ZC3H18: variants seen among roughly 807,000 people sequenced by gnomAD.
ZC3H18 encodes the protein zinc finger CCCH-type containing 18.
In ZC3H18, 8 loss-of-function variants were observed where a neutral mutation model predicts 106.1. That is an observed-to-expected ratio of 0.08 (90% confidence interval 0.04 to 0.14). The LOEUF (loss-of-function observed/expected upper bound fraction) is 0.14, where lower values mean the gene tolerates loss of function less well. ZC3H18 is among the 10% of genes least tolerant of loss of function. The pLI, the probability that ZC3H18 is intolerant of heterozygous loss-of-function variation, is 1.00. For synonymous variants in ZC3H18, 635 were observed against 522.1 expected (o/e 1.22, Z -2.95); for missense variants, 1,318 against 1,278.4 (o/e 1.03, Z -0.47).
chr16:88,628,298 G>T (rs932475241), intron 15 of ZC3H18, among the ~76,000 whole-genome samples, 179 bp downstream of exon 15: 1 of 152,224 alleles, frequency 6.6e-6, no homozygotes. Flanking sequence ...GCTGGGAAGT[G>T]TGAGCATCTG....
chr16:88,587,805 A>G (rs1174153041), intron 3 of ZC3H18, among the ~76,000 whole-genome samples: 1 of 152,166 alleles, frequency 6.6e-6, no homozygotes, highest in Non-Finnish European at 1.5e-5. Flanking sequence ...GACAGGCAGG[A>G]CACACCCTTG....
At chr16:88,613,349 T>C (rs1905378585) in intron 8 of ZC3H18, among the ~76,000 whole-genome samples, 1 of 152,242 alleles carries the variant, frequency 6.6e-6, no homozygotes, top group Non-Finnish European at 1.5e-5. Context: ...TCCATTTTTC[T>C]TGAGCATATA....
Position 88,627,972 on chromosome 16 carries a change from G to T in ZC3H18, c.2322G>T (p.Ser774=). 6.2e-7 allele frequency: 1 copy of T among 1,614,144 alleles called. No homozygotes were observed. The highest frequency in any genetic ancestry group is 8.5e-7 in the Non-Finnish European group (1 of 1,180,040). ...GVKEEKRKRD[S]STQPPKSAKP... is the part of the protein sequence containing the mutation. The stretch of plus-strand genomic sequence containing the variant: ...AAGAGGAAAAGCGGAAAAGGGATTC[G>T]TCCACACAACCACCCAAATCTGCAA... The change falls in exon 15 of 18, where the codon TCG becomes TCT. Residue 774 remains serine (S), a synonymous_variant. Transcript: ENST00000301011. This position sits in a 1 kb window ranked among gnomAD's most constrained non-coding sequence, Gnocchi z 4.5.
At chr16:88,614,507 G>A (rs577015764) in intron 8 of ZC3H18, among the ~76,000 whole-genome samples, 88 of 152,320 alleles carry the variant, frequency 5.8e-4, no homozygotes, top group Admixed American at 1.2e-3. Context: ...CTGCTTAGCC[G>A]GTGGCAAGTG....
chr16:88,578,687 G>C (rs749509358), intron 2 of ZC3H18, among the ~76,000 whole-genome samples: 1 of 151,982 alleles, frequency 6.6e-6, no homozygotes, highest in Non-Finnish European at 1.5e-5. Context: ...GGTTTGCCTT[G>C]AATGCCATGC....
chr16:88,607,076 C>G (rs75763899), intron 6 of ZC3H18, among the ~76,000 whole-genome samples: 1 of 152,028 alleles, frequency 6.6e-6, no homozygotes, highest in African/African-American at 2.4e-5. Flanking sequence ...TAGAGCAGGC[C>G]CCCCCCAACC....
rs368114240 is a variant in ZC3H18, at chr16:88,599,993, G to A, written c.1088+45G>A. On this transcript the variant is annotated intron_variant, in intron 6 of 17. Coordinates refer to ENST00000301011, the MANE Select transcript of ZC3H18 (RefSeq NM_144604.4). ...GCCCCTCCGTTTCCTTCCTGCATGC[G>A]GCCACGCTCCGGAGAGAGCAGCCAT... is the stretch of plus-strand genomic sequence containing the variant. The A allele has an allele frequency of 1.1e-5, 18 of 1,605,512 alleles. No homozygotes were observed. In the African/African-American group the frequency reaches 1.7e-4, roughly 16 times the overall value.
intron 1 of ZC3H18, among the ~76,000 whole-genome samples, chr16:88,571,408 C>T (rs924729635): frequency 6.6e-6 from 1 of 152,214 alleles, no homozygotes; most frequent in Non-Finnish European, 1.5e-5. Context: ...AGACTCACCT[C>T]CAGCCTGTTG....
In ZC3H18 at chr16:88,623,353, C is replaced by T. The variant is rs1052526818; in HGVS notation, c.1793+9C>T. The T allele has an allele frequency of 1.4e-5, 23 of 1,612,494 alleles. No homozygotes were observed. The highest frequency in any genetic ancestry group is 1.9e-5 in the Non-Finnish European group (23 of 1,179,880). On this transcript the variant is annotated intron_variant, in intron 10 of 17. Coordinates refer to ENST00000301011, the MANE Select transcript of ZC3H18 (RefSeq NM_144604.4). ...TCAGGAAGCCGGTCCAGGTATGTCC[C>T]CAGGGCCCATGAAGGGCCCTCAGCA...
intron 6 of ZC3H18, among the ~76,000 whole-genome samples, chr16:88,604,697 A>T (rs1567589193): frequency 6.6e-6 from 1 of 152,190 alleles, no homozygotes; most frequent in Non-Finnish European, 1.5e-5. Context: ...AAGAAAAAAA[A>T]AGAAATGTCA....
chr16:88,594,721 G>A (rs1458412757), intron 3 of ZC3H18, among the ~76,000 whole-genome samples: 1 of 152,200 alleles, frequency 6.6e-6, no homozygotes, highest in East Asian at 1.9e-4. Flanking sequence ...TGGAGGCATG[G>A]GATAGGTGGT....
chr16:88,629,041 T>A (rs72809495), intron 16 of ZC3H18, among the ~76,000 whole-genome samples, 187 bp downstream of exon 16: 9,203 of 152,344 alleles, frequency 0.06, 315 homozygotes, highest in Non-Finnish European at 0.074. Flanking sequence ...TTTAAATATT[T>A]GTTTAAAAAT....
At chr16:88,617,370 G>T (rs1255423094) in intron 8 of ZC3H18, among the ~76,000 whole-genome samples, 2 of 152,152 alleles carry the variant, frequency 1.3e-5, no homozygotes, top group Non-Finnish European at 2.9e-5. Flanking sequence ...TCCTCCACCT[G>T]GGCTGTTTTA....
intron 1 of ZC3H18, among the ~76,000 whole-genome samples, chr16:88,573,816 C>G (rs1481458896): frequency 2.6e-5 from 4 of 151,838 alleles, no homozygotes; most frequent in African/African-American, 9.7e-5. Context: ...GAACTGTCTG[C>G]TTTTAAGTGA....
intron 3 of ZC3H18, among the ~76,000 whole-genome samples, chr16:88,592,821 G>A (rs1026480446): frequency 3.3e-5 from 5 of 152,210 alleles, no homozygotes; most frequent in Non-Finnish European, 7.3e-5. Flanking sequence ...TTTACTTCAT[G>A]TCTGTGCTGT....
At position 88,631,647 on chromosome 16, in the gene ZC3H18, C is replaced by T; in HGVS notation, c.*348C>T. 2.1e-6 allele frequency: 1 copy of T among 475,228 alleles called. No individual in the cohort carries two copies. Among genetic ancestry groups the T allele is most frequent in the South Asian group, 1.5e-5 (1 of 64,728 alleles). 29.4% of individuals were successfully genotyped at this position (475,228 alleles called of 1,614,324 possible). Reference sequence around the variant, plus strand: ...GGCCTGTGGAGCCCCAGCTCTGGGTCCCTAGCCCGGGTCCAGGCAGCCAGG... The same window carrying T: ...GGCCTGTGGAGCCCCAGCTCTGGGTTCCTAGCCCGGGTCCAGGCAGCCAGG... On this transcript the variant is annotated 3_prime_UTR_variant, in exon 18 of 18. Transcript: ENST00000301011.
At chr16:88,599,725 T>C in intron 5 of ZC3H18, 66 bp from the exon 6 acceptor site, 2 of 1,546,778 alleles carry the variant, frequency 1.3e-6, no homozygotes, top group Non-Finnish European at 8.7e-7. Context: ...CGGCTCCCTT[T>C]GTGTTTCCTA....
chr16:88,629,020 G>A (rs370024649), intron 16 of ZC3H18, among the ~76,000 whole-genome samples, 166 bp downstream of exon 16: 8 of 152,240 alleles, frequency 5.3e-5, no homozygotes, highest in South Asian at 2.1e-4. Context: ...AAACTAAAAC[G>A]AAGAAAAGGT....
At chr16:88,580,154 A>ATG (rs1166302801) in intron 2 of ZC3H18, among the ~76,000 whole-genome samples, 1 of 132,026 alleles carries the variant, frequency 7.6e-6, no homozygotes, top group African/African-American at 3.0e-5. Context: ...ACACAGGTTC[A>ATG]TCTGTGTGTG....
Sources: allele counts gnomAD v4.1 joint callset (sites outside exome capture counted in the v4.1 genomes callset), GRCh38; gene constraint gnomAD v4.1.1; non-coding constraint Gnocchi (gnomAD v3.1); transcripts MANE v1.5; gene names NCBI Gene and HGNC (gene_info 2026-07-23, HGNC 2026-07-21).